Variants in ARID2 observed in about 807,000 individuals in gnomAD.
ARID2 encodes AT-rich interactive domain-containing protein 2.
Under a neutral mutation model 184.6 loss-of-function variants are expected in ARID2, and 32 were observed. That is an observed-to-expected ratio of 0.17 (90% confidence interval 0.13 to 0.23). The LOEUF is 0.23. Ranked by LOEUF, ARID2 falls within the 10% of genes least tolerant of loss-of-function variation. The probability of loss-of-function intolerance (pLI) is 1.00; values close to 1 mark genes in which losing one functional copy is unlikely to be tolerated. For synonymous variants in ARID2, 836 were observed against 772.6 expected (o/e 1.08, Z -1.36); for missense variants, 1,696 against 2,197.6 (o/e 0.77, Z 4.56).
rs1943159477 is a variant in ARID2, at chr12:45,833,429, A to T, written c.706-3160A>T. Among the ~76,000 whole-genome samples, 3 of 152,050 alleles carry T rather than the reference A, an allele frequency of 2.0e-5. No homozygotes were observed. The South Asian group carries it at 6.2e-4, about 31-fold the overall frequency. ...TAATGTCATTGTTAATTTTCTTGTT[A>T]TCTTTGTTATTTCACTATCTTATTT... On this transcript the variant is annotated intron_variant, in intron 6 of 20. Transcript: ENST00000334344.
intron 13 of ARID2, 73 bp from the exon 14 acceptor site, chr12:45,849,507 G>A: frequency 1.6e-6 from 2 of 1,238,230 alleles, no homozygotes; most frequent in Non-Finnish European, 2.3e-6. Context: ...TACTGCTGTT[G>A]TTCATGTAAA....
chr12:45,778,262 G>T (rs898359540), intron 3 of ARID2, among the ~76,000 whole-genome samples: 1 of 152,024 alleles, frequency 6.6e-6, no homozygotes, highest in Non-Finnish European at 1.5e-5. Context: ...CAACCCGCAA[G>T]AAAATGCCTT....
Position 45,851,556 on chromosome 12 carries a change from A to G in ARID2, c.3433A>G (p.Ile1145Val), listed in dbSNP as rs2138171934. The G allele has an allele frequency of 6.2e-7, 1 of 1,614,112 alleles. No homozygotes were observed. The highest frequency in any genetic ancestry group is 8.5e-7 in the Non-Finnish European group (1 of 1,179,998). Reference protein sequence around the residue: ...PPSGGVQTVPISNLQILPGPL... With the variant: ...PPSGGVQTVPVSNLQILPGPL... ...CTCAGGGGGAGTACAAACTGTGCCCATTTCGAACTTACAAATATTGCCAGG... is the reference window on the plus strand; with the variant it reads ...CTCAGGGGGAGTACAAACTGTGCCCGTTTCGAACTTACAAATATTGCCAGG... Residue 1145 changes from isoleucine (I) to valine (V), a missense_variant, in exon 15 of 21, where the codon ATT becomes GTT. Physicochemically the swap from Ile to Val is conservative, Grantham distance 29 (BLOSUM62 3). This residue lies in a region of ARID2 where 713 missense variants were observed against 824.4 expected (regional missense o/e 0.86). Transcript: ENST00000334344.
intron 3 of ARID2, among the ~76,000 whole-genome samples, chr12:45,790,342 TG>T: frequency 6.6e-6 from 1 of 151,458 alleles, no homozygotes; most frequent in Non-Finnish European, 1.5e-5. Context: ...CGTTTATATT[TG>T]TATGATATAG....
chr12:45,754,378 G>T (rs1456739026), intron 3 of ARID2, among the ~76,000 whole-genome samples: 1 of 152,142 alleles, frequency 6.6e-6, no homozygotes, highest in Non-Finnish European at 1.5e-5. Flanking sequence ...CAGATACTAT[G>T]TCTTTTTTTC....
In ARID2 at chr12:45,852,321, G is replaced by C. The variant is rs954101115; in HGVS notation, c.4198G>C (p.Asp1400His). 1.2e-6 allele frequency: 2 copies of C among 1,614,172 alleles called. No individual in the cohort carries two copies. The highest frequency in any genetic ancestry group is 1.3e-5 in the African/African-American group (1 of 75,046). The change falls in exon 15 of 21, where the codon GAT becomes CAT. Residue 1400 changes from aspartate to histidine, a missense_variant. By Grantham distance (81) the Asp-to-His change is moderately conservative (BLOSUM62 -1). This residue lies in a region of ARID2 where 428 missense variants were observed against 409.1 expected (regional missense o/e 1.05). Transcript: ENST00000334344. ...TCCAATGGAACCACAAGGGACTTTA[G>C]ATATCACTCAGCAAGATACTGCCAA... The part of the protein sequence containing the change: ...ISPMEPQGTL[D>H]ITQQDTAKGD...
intron 3 of ARID2, among the ~76,000 whole-genome samples, chr12:45,766,198 T>C (rs890425288): frequency 1.3e-5 from 2 of 151,946 alleles, no homozygotes; most frequent in African/African-American, 2.4e-5. Context: ...GACAGAGTCT[T>C]GCTCTGTCAC....
intron 3 of ARID2, among the ~76,000 whole-genome samples, chr12:45,768,939 G>A (rs1941820353): frequency 6.6e-6 from 1 of 152,176 alleles, no homozygotes; most frequent in Non-Finnish European, 1.5e-5. Context: ...TCATTTCATG[G>A]TGACTTTGGG....
At chr12:45,749,116 C>A (rs1220645791) in intron 3 of ARID2, among the ~76,000 whole-genome samples, 3 of 152,206 alleles carry the variant, frequency 2.0e-5, no homozygotes, top group Admixed American at 6.5e-5. Flanking sequence ...CAGGGAATCA[C>A]TGTGGCAGCT....
chr12:45,828,657 A>G (rs1943050321), intron 6 of ARID2, among the ~76,000 whole-genome samples: 1 of 151,964 alleles, frequency 6.6e-6, no homozygotes, highest in African/African-American at 2.4e-5. Context: ...TTTAACTATT[A>G]CAGTGAGTGT....
chr12:45,849,867 C>G, intron 14 of ARID2, 91 bp downstream of exon 14: 1 of 1,411,834 alleles, frequency 7.1e-7, no homozygotes, highest in Non-Finnish European at 9.5e-7. Context: ...AAATGTATAA[C>G]TTTTGTGTCT....
intron 3 of ARID2, among the ~76,000 whole-genome samples, chr12:45,779,609 T>C (rs913108911): frequency 6.6e-5 from 10 of 152,102 alleles, no homozygotes; most frequent in Admixed American, 4.6e-4. Flanking sequence ...GGAATCACCA[T>C]TGATTAATAG....
At chr12:45,747,280 CAGTTTAT>C (rs1941378596) in intron 3 of ARID2, among the ~76,000 whole-genome samples, 1 of 151,806 alleles carries the variant, frequency 6.6e-6, no homozygotes, top group African/African-American at 2.4e-5. Flanking sequence ...TGTTGCTGTA[CAGTTTAT>C]AGTTTATTTT....
chr12:45,744,159 CATCTT>C (rs1941316002), intron 3 of ARID2, among the ~76,000 whole-genome samples: 1 of 152,128 alleles, frequency 6.6e-6, no homozygotes, highest in African/African-American at 2.4e-5. Context: ...AAAATGGAAA[CATCTT>C]TTCTTTGCCT....
chr12:45,889,242 A>G (rs1194221340), intron 16 of ARID2, among the ~76,000 whole-genome samples: 2 of 152,190 alleles, frequency 1.3e-5, no homozygotes, highest in Non-Finnish European at 2.9e-5. Flanking sequence ...GCAGTATATA[A>G]AATTATATCA....
intron 3 of ARID2, among the ~76,000 whole-genome samples, chr12:45,747,534 A>T (rs1400359325): frequency 6.6e-6 from 1 of 151,932 alleles, no homozygotes; most frequent in Non-Finnish European, 1.5e-5. Flanking sequence ...CTGAATTAGG[A>T]TCTCCTGTCA....
At chr12:45,747,646 C>A (rs978323317) in intron 3 of ARID2, among the ~76,000 whole-genome samples, 40 of 152,090 alleles carry the variant, frequency 2.6e-4, no homozygotes, top group African/African-American at 9.2e-4. Flanking sequence ...TTCTAACTTA[C>A]AGAATTAATA....
intron 3 of ARID2, among the ~76,000 whole-genome samples, chr12:45,779,506 T>C (rs916287705): frequency 3.3e-5 from 5 of 152,126 alleles, no homozygotes; most frequent in Non-Finnish European, 7.4e-5. Flanking sequence ...CTGGACTTTA[T>C]CAATTTAAAT....
At chr12:45,782,356 G>T (rs1942108609) in intron 3 of ARID2, among the ~76,000 whole-genome samples, 1 of 152,142 alleles carries the variant, frequency 6.6e-6, no homozygotes, top group Non-Finnish European at 1.5e-5. Context: ...ATCAAGCTGG[G>T]CACGGTGGCT....
Sources: allele counts gnomAD v4.1 joint callset (sites outside exome capture counted in the v4.1 genomes callset), GRCh38; gene constraint gnomAD v4.1.1; regional missense constraint gnomAD v4.1.1; transcripts MANE v1.5; gene names NCBI Gene and HGNC (gene_info 2026-07-23, HGNC 2026-07-21).